Variants in FYB2 observed in about 807,000 individuals in gnomAD.
The protein encoded by FYB2 is FYN binding protein 2.
A neutral mutation model predicts 94.1 loss-of-function variants in FYB2; 103 were observed. The observed-to-expected ratio is 1.09, with a 90% confidence interval of 0.93 to 1.29. The LOEUF (loss-of-function observed/expected upper bound fraction) is 1.29. Among genes scored for constraint, FYB2 ranks in the 50% most tolerant of loss-of-function variants. FYB2 has a pLI of 0.00. For synonymous variants in FYB2, 293 were observed against 287.9 expected (o/e 1.02, Z -0.18); for missense variants, 896 against 841.5 (o/e 1.06, Z -0.80).
intron 9 of FYB2, among the ~76,000 whole-genome samples, 165 bp downstream of exon 9, chr1:56,750,879 A>G (rs998785262): frequency 6.6e-6 from 1 of 152,044 alleles, no homozygotes; most frequent in African/African-American, 2.4e-5. Context: ...CTGCTTTTCA[A>G]TTCAGTGTTT....
chr1:56,796,860 A>G (rs1470023556), intron 1 of FYB2, among the ~76,000 whole-genome samples: 1 of 152,226 alleles, frequency 6.6e-6, no homozygotes, highest in East Asian at 1.9e-4. Context: ...CTGCTCGTTC[A>G]AAATTTAACT....
chr1:56,818,558 G>A (rs1420949847), intron 1 of FYB2, among the ~76,000 whole-genome samples: 2 of 151,858 alleles, frequency 1.3e-5, no homozygotes, highest in East Asian at 1.9e-4. Context: ...GGAGAGTGGA[G>A]AATTGGAGAA....
At chr1:56,747,537 T>C (rs1645096835) in intron 9 of FYB2, among the ~76,000 whole-genome samples, 1 of 152,100 alleles carries the variant, frequency 6.6e-6, no homozygotes, top group Non-Finnish European at 1.5e-5. Flanking sequence ...ATTAGTTTGC[T>C]GAGAATGATG....
chr1:56,755,715 G>C (rs555683295), intron 7 of FYB2, among the ~76,000 whole-genome samples, 181 bp downstream of exon 7: 163 of 152,174 alleles, frequency 1.1e-3, no homozygotes, highest in African/African-American at 3.8e-3. Flanking sequence ...CAAGATAAGA[G>C]GGGGAGGCAA....
chr1:56,773,907 T>C (rs990126340), intron 4 of FYB2, among the ~76,000 whole-genome samples: 6 of 152,140 alleles, frequency 3.9e-5, no homozygotes, highest in Admixed American at 3.3e-4. Flanking sequence ...GATTTCTCAA[T>C]TGTCCAAAGT....
intron 14 of FYB2, among the ~76,000 whole-genome samples, chr1:56,737,979 G>A (rs1245238717): frequency 6.6e-6 from 1 of 151,950 alleles, no homozygotes; most frequent in Non-Finnish European, 1.5e-5. Context: ...CTTTTGAATT[G>A]TCAAGTTCGA....
intron 8 of FYB2, among the ~76,000 whole-genome samples, chr1:56,752,526 G>A (rs182024747): frequency 6.6e-6 from 1 of 152,022 alleles, no homozygotes; most frequent in African/African-American, 2.4e-5. Context: ...TAGGGAAACT[G>A]TCAGAAGAAT....
chr1:56,774,396 C>T (rs1055553374), intron 4 of FYB2, among the ~76,000 whole-genome samples: 2 of 152,138 alleles, frequency 1.3e-5, no homozygotes, highest in African/African-American at 4.8e-5. Context: ...TCTGCTTCCA[C>T]TAGTACTACT....
intron 1 of FYB2, among the ~76,000 whole-genome samples, chr1:56,818,877 A>G (rs1026848592): frequency 1.3e-5 from 2 of 152,302 alleles, no homozygotes; most frequent in South Asian, 2.1e-4. Flanking sequence ...AGCACCAAGC[A>G]CTGCTCTCTG....
At chr1:56,725,814 GA>G (rs1644572586) in intron 16 of FYB2, among the ~76,000 whole-genome samples, 1 of 152,032 alleles carries the variant, frequency 6.6e-6, no homozygotes, top group Non-Finnish European at 1.5e-5. Flanking sequence ...TCCCAGAGCA[GA>G]CAGACTACAC....
chr1:56,802,901 A>T (rs1412720655), intron 1 of FYB2, among the ~76,000 whole-genome samples: 1 of 152,220 alleles, frequency 6.6e-6, no homozygotes, highest in African/African-American at 2.4e-5. Flanking sequence ...GTACATTAAC[A>T]TCAACACAAT....
chr1:56,769,251 G>T (rs1003089882), intron 4 of FYB2, among the ~76,000 whole-genome samples: 2 of 152,042 alleles, frequency 1.3e-5, no homozygotes, highest in African/African-American at 4.8e-5. Context: ...TATTGCCCAG[G>T]CTGGTCTCGA....
At chr1:56,757,687 C>CTTCCTTCCTTCCTTCCTTCCTTCCTTCCT (rs1293394860) in intron 6 of FYB2, among the ~76,000 whole-genome samples, 1 of 71,940 alleles carries the variant, frequency 1.4e-5, no homozygotes, top group Admixed American at 1.8e-4. Context: ...TCCTTCCTTC[C>CTTCCTTCCTTCCTTCCTTCCTTCCTTCCT]TTCTTTCTTT....
At chr1:56,825,410 C>G in the FYB2 span, among the ~76,000 whole-genome samples, 8 of 152,294 alleles carry the variant, frequency 5.3e-5, no homozygotes, top group South Asian at 1.7e-3. Context: ...CTGCTCCCTT[C>G]CTTTCTCTTG....
At chr1:56,812,443 G>A (rs1646788094) in intron 1 of FYB2, among the ~76,000 whole-genome samples, 1 of 152,160 alleles carries the variant, frequency 6.6e-6, no homozygotes, top group Non-Finnish European at 1.5e-5. Context: ...TGGGGAAGAT[G>A]ATTAACAGTA....
chr1:56,739,946 G>A (rs763183043), intron 13 of FYB2, among the ~76,000 whole-genome samples: 49 of 152,004 alleles, frequency 3.2e-4, no homozygotes, highest in Non-Finnish European at 5.6e-4. Context: ...CATAAATTGA[G>A]GTGCACCTGA....
intron 5 of FYB2, among the ~76,000 whole-genome samples, chr1:56,767,303 G>A (rs995685242): frequency 1.1e-4 from 16 of 152,112 alleles, no homozygotes; most frequent in Admixed American, 5.9e-4. Flanking sequence ...AAAATGTCCC[G>A]AGCATTGTCA....
intron 12 of FYB2, among the ~76,000 whole-genome samples, chr1:56,741,904 T>G (rs1644962513): frequency 1.3e-5 from 2 of 152,110 alleles, no homozygotes; most frequent in Non-Finnish European, 2.9e-5. Context: ...AATGGGTATT[T>G]CTCAAAAGCG....
intron 11 of FYB2, among the ~76,000 whole-genome samples, chr1:56,742,731 G>T (rs1390730567): frequency 6.6e-6 from 1 of 151,948 alleles, no homozygotes; most frequent in Non-Finnish European, 1.5e-5. Context: ...TGAATATCAG[G>T]GTCAGGATTT....
Sources: allele counts gnomAD v4.1 joint callset (sites outside exome capture counted in the v4.1 genomes callset), GRCh38; gene constraint gnomAD v4.1.1; transcripts MANE v1.5; gene names NCBI Gene and HGNC (gene_info 2026-07-23, HGNC 2026-07-21).